The following SCAF1 variants were observed in gnomAD, a reference collection of about 807,000 sequenced individuals.
The protein encoded by SCAF1 is splicing factor, arginine/serine-rich 19.
In SCAF1, 28 loss-of-function variants were observed where a neutral mutation model predicts 91.2. The ratio of observed to expected loss-of-function variants is 0.31; its 90% confidence interval spans 0.23 to 0.42. The LOEUF is 0.42. SCAF1 is among the 10% of genes least tolerant of loss of function. SCAF1 has a pLI of 1.00. For synonymous variants in SCAF1, 1,036 were observed against 833.7 expected (o/e 1.24, Z -4.18); for missense variants, 1,893 against 1,872.1 (o/e 1.01, Z -0.21).
chr19:49,654,362 C>G lies in SCAF1; in HGVS notation c.3330C>G (p.Leu1110=), dbSNP rs1315515868. 6.2e-7 allele frequency: 1 copy of G among 1,613,534 alleles called. No homozygotes were observed. Among genetic ancestry groups the G allele is most frequent in the Non-Finnish European group, 8.5e-7 (1 of 1,179,980 alleles). ...TGCCTCCTGCAGTGACTGCACTTCT[C>G]TTCAAGATGGAAGAAGCCAACCTGG... ...TSGVLALTAL[L]FKMEEANLAS... The change falls in exon 8 of 11, where the codon CTC becomes CTG. Residue 1110 remains leucine, a synonymous_variant. Coordinates refer to ENST00000360565, the MANE Select transcript of SCAF1 (RefSeq NM_021228.3).
chr19:49,654,825 G>A lies in SCAF1; in HGVS notation c.3573G>A (p.Lys1191=), dbSNP rs779875275. The A allele has an allele frequency of 3.1e-6, 5 of 1,611,724 alleles. No homozygotes were observed. The highest frequency in any genetic ancestry group is 3.4e-6 in the Non-Finnish European group (4 of 1,178,730). The change falls in exon 9 of 11, where the codon AAG becomes AAA. Residue 1191 remains lysine (K), a synonymous_variant. Coordinates refer to ENST00000360565, the MANE Select transcript of SCAF1 (RefSeq NM_021228.3). ...CCGGGCTGGCTGCCACGTCTGACAA[G>A]AGAGAGGGCAGCAGCAGCTCTGAGG... is the stretch of plus-strand genomic sequence containing the variant. The part of the protein sequence containing the change: ...TPTGLAATSD[K]REGSSSSEGR...
Position 49,657,748 on chromosome 19 carries a change from GC to G in SCAF1, c.3619-11del. Reference sequence around the variant, plus strand: ...CCTTGCTGTGTCTTCCCCCGCTGTCGCCACCCCACCAGTATCTGAAGAAGCT... The same window carrying G: ...CCTTGCTGTGTCTTCCCCCGCTGTCGCACCCCACCAGTATCTGAAGAAGCT... On this transcript the variant is annotated splice_polypyrimidine_tract_variant and intron_variant, in intron 9 of 10. Transcript: ENST00000360565. 2 of 1,592,502 alleles carry G rather than the reference GC, an allele frequency of 1.3e-6. No homozygotes were observed. Among genetic ancestry groups the G allele is most frequent in the Non-Finnish European group, 8.6e-7 (1 of 1,168,796 alleles).
Position 49,651,793 on chromosome 19 carries a change from C to T in SCAF1, c.1404C>T (p.Pro468=). Residue 468 remains proline, a synonymous_variant, in exon 7 of 11, where the codon CCC becomes CCT. Coordinates refer to ENST00000360565, the MANE Select transcript of SCAF1 (RefSeq NM_021228.3). ...ALQVDLGEPA[P]APPAADSRWG... Reference sequence around the variant, plus strand: ...AGGTGGACCTAGGGGAGCCGGCTCCCGCGCCGCCCGCCGCCGACTCGCGCT... The same window carrying T: ...AGGTGGACCTAGGGGAGCCGGCTCCTGCGCCGCCCGCCGCCGACTCGCGCT... 4 of 1,275,906 alleles carry T rather than the reference C, an allele frequency of 3.1e-6. No homozygotes were observed. The highest frequency in any genetic ancestry group is 4.0e-6 in the Non-Finnish European group (4 of 1,012,534). The allele number at this position is 1,275,906 out of a possible 1,614,324, so 79.0% of individuals were successfully genotyped here.
upstream of SCAF1, among the ~76,000 whole-genome samples, chr19:49,641,897 C>T (rs764082818): frequency 7.9e-5 from 12 of 152,242 alleles, no homozygotes; most frequent in Non-Finnish European, 1.5e-4. Flanking sequence ...CCTGTTCCGC[C>T]ACCCTTTCCG....
Position 49,646,342 on chromosome 19 carries a change from TG to T in SCAF1, c.261+145del. On this transcript the variant is annotated intron_variant, in intron 4 of 10. Transcript: ENST00000360565. The surrounding 1 kb of genome is among the most constrained non-coding windows in gnomAD (Gnocchi z 5.6). ...TGACCAGGGGCAATGTTGGAGAGTC[TG>T]GGGGCCTGATCTGTGGGCCTGAGCT... 1 of 874,978 alleles carries T rather than the reference TG, an allele frequency of 1.1e-6. No individual in the cohort carries two copies. The highest frequency in any genetic ancestry group is 1.7e-6 in the Non-Finnish European group (1 of 571,554). 54.2% of individuals were successfully genotyped at this position (874,978 alleles called of 1,614,324 possible). A position where few individuals can be genotyped will look rare whatever the true frequency, so the allele number is the denominator to read the frequency against.
Position 49,654,815 on chromosome 19 carries a change from C to A in SCAF1, c.3563C>A (p.Thr1188Lys), listed in dbSNP as rs1213422481. The A allele has an allele frequency of 6.2e-7, 1 of 1,612,308 alleles. No homozygotes were observed. The highest frequency in any genetic ancestry group is 2.2e-5 in the East Asian group (1 of 44,854). The change falls in exon 9 of 11, where the codon ACG becomes AAG. Residue 1188 changes from threonine to lysine, a missense_variant. By Grantham distance (78) the Thr-to-Lys change is moderately conservative. Coordinates refer to ENST00000360565, the MANE Select transcript of SCAF1 (RefSeq NM_021228.3). ...TPPTPTGLAA[T>K]SDKREGSSSS... ...CCCACCCCCACCGGGCTGGCTGCCACGTCTGACAAGAGAGAGGGCAGCAGC... is the reference window on the plus strand; with the variant it reads ...CCCACCCCCACCGGGCTGGCTGCCAAGTCTGACAAGAGAGAGGGCAGCAGC...
Position 49,653,351 on chromosome 19 carries a change from C to G in SCAF1, c.2962C>G (p.Leu988Val), listed in dbSNP as rs1401170789. 4 of 1,485,162 alleles carry G rather than the reference C, an allele frequency of 2.7e-6. No individual in the cohort carries two copies. In the East Asian group the frequency reaches 7.3e-5, roughly 27 times the overall value. The allele number at this position is 1,485,162 out of a possible 1,614,324, so 92.0% of individuals were successfully genotyped here. A position where few individuals can be genotyped will look rare whatever the true frequency, so the allele number is the denominator to read the frequency against. ...CAAGGCAGCCCCACCACCCCCTGCCCTCACTCCGGACTCGCAGACCGTGGA... is the reference window on the plus strand; with the variant it reads ...CAAGGCAGCCCCACCACCCCCTGCCGTCACTCCGGACTCGCAGACCGTGGA... Reference protein sequence around the residue: ...PPKAAPPPPALTPDSQTVDSS... With the variant: ...PPKAAPPPPAVTPDSQTVDSS... The change falls in exon 7 of 11, where the codon CTC becomes GTC. Residue 988 changes from leucine to valine, a missense_variant. Coordinates refer to ENST00000360565, the MANE Select transcript of SCAF1 (RefSeq NM_021228.3).
chr19:49,644,325 A>G (rs1183412446), intron 1 of SCAF1, among the ~76,000 whole-genome samples: 1 of 152,222 alleles, frequency 6.6e-6, no homozygotes, highest in Non-Finnish European at 1.5e-5. Context: ...AAGAATTTCC[A>G]TGACATTGCA....
At chr19:49,657,326 A>C (rs2081146299) in intron 9 of SCAF1, among the ~76,000 whole-genome samples, 1 of 124,826 alleles carries the variant, frequency 8.0e-6, no homozygotes, top group Non-Finnish European at 1.6e-5. Context: ...CTGGGTGACC[A>C]GAGCAGTACT....
intron 6 of SCAF1, among the ~76,000 whole-genome samples, chr19:49,648,617 A>G (rs908171233): frequency 8.4e-5 from 12 of 142,396 alleles, no homozygotes; most frequent in African/African-American, 2.9e-4. Context: ...GTACAGTGAT[A>G]TGGTGCCTAG....
At chr19:49,657,217 C>G (rs1275272521) in intron 9 of SCAF1, among the ~76,000 whole-genome samples, 1 of 152,186 alleles carries the variant, frequency 6.6e-6, no homozygotes, top group Admixed American at 6.5e-5. Flanking sequence ...GGGTCAGAGA[C>G]AGGGAGTGGC....
Position 49,651,888 on chromosome 19 carries a change from C to T in SCAF1, c.1499C>T (p.Ser500Phe). ...RRERYRQRSPSPAPAPAPAAA... is the reference protein window; with the variant it reads ...RRERYRQRSPFPAPAPAPAAA... ...GAGCGCTACCGCCAGCGCTCGCCCT[C>T]CCCGGCGCCCGCGCCCGCCCCGGCC... Residue 500 changes from serine to phenylalanine, a missense_variant, in exon 7 of 11, where the codon TCC becomes TTC. Physicochemically the swap from Ser to Phe is radical, Grantham distance 155. This residue lies in a region of SCAF1 where 1,436 missense variants were observed against 1,306.8 expected (regional missense o/e 1.10). Transcript: ENST00000360565. The T allele has an allele frequency of 8.4e-7, 1 of 1,188,196 alleles. No homozygotes were observed. 73.6% of individuals were successfully genotyped at this position (1,188,196 alleles called of 1,614,324 possible).
rs907124534 is a variant in SCAF1 at position 49,645,931 on chromosome 19, G to A, written c.167-177G>A. ...ACAGGAGGACGAATGGCTGAGCGTCGCAGCCTCTGAAGTGGGTGCTGGGAA... is the reference window on the plus strand; with the variant it reads ...ACAGGAGGACGAATGGCTGAGCGTCACAGCCTCTGAAGTGGGTGCTGGGAA... On this transcript the variant is annotated intron_variant, in intron 3 of 10. Coordinates refer to ENST00000360565, the MANE Select transcript of SCAF1 (RefSeq NM_021228.3). The surrounding 1 kb of genome is among the most constrained non-coding windows in gnomAD (Gnocchi z 4.6). 3.3e-5 allele frequency among the ~76,000 whole-genome samples: 5 copies of A among 152,124 alleles called. No individual in the cohort carries two copies. Among genetic ancestry groups the A allele is most frequent in the East Asian group, 3.9e-4 (2 of 5,192 alleles).
chr19:49,657,123 C>T (rs1454488859), intron 9 of SCAF1, among the ~76,000 whole-genome samples: 2 of 152,130 alleles, frequency 1.3e-5, no homozygotes, highest in Non-Finnish European at 1.5e-5. Context: ...CACTGCACTC[C>T]AGCCTGCATG....
At chr19:49,647,377 C>T (rs181850227) in intron 6 of SCAF1, among the ~76,000 whole-genome samples, 14 of 152,364 alleles carry the variant, frequency 9.2e-5, no homozygotes, top group South Asian at 4.1e-4. Context: ...TTACTATGCA[C>T]ATCACTGGGC....
rs138080693 is a variant in SCAF1 at position 49,650,907 on chromosome 19, G to C, written c.518G>C (p.Arg173Pro). ...QSNSSRPTCA[R>P]HLTLGTGDGG... is the part of the protein sequence containing the mutation. Reference sequence around the variant, plus strand: ...AACTCCTCTAGGCCCACCTGTGCCCGTCACCTCACCTTGGGCACGGGAGAC... The same window carrying C: ...AACTCCTCTAGGCCCACCTGTGCCCCTCACCTCACCTTGGGCACGGGAGAC... The change falls in exon 7 of 11, where the codon CGT (arginine) becomes CCT (proline). Residue 173 changes from arginine to proline, a missense_variant. Around this residue, in one of 5 missense-constraint regions of SCAF1, gnomAD observed 270 missense variants for 292.5 expected, o/e 0.92. Coordinates refer to ENST00000360565, the MANE Select transcript of SCAF1 (RefSeq NM_021228.3). 24 of 1,610,280 alleles carry C rather than the reference G, an allele frequency of 1.5e-5. No individual in the cohort carries two copies. In the African/African-American group the frequency reaches 2.8e-4, roughly 19 times the overall value.
Position 49,653,538 on chromosome 19 carries a change from C to G in SCAF1, c.3149C>G (p.Thr1050Ser). 1 of 1,580,774 alleles carries G rather than the reference C, an allele frequency of 6.3e-7. No homozygotes were observed. Among genetic ancestry groups the G allele is most frequent in the South Asian group, 1.1e-5 (1 of 87,384 alleles). The change falls in exon 7 of 11, where the codon ACT (threonine) becomes AGT (serine). Residue 1050 changes from threonine to serine, a missense_variant. Physicochemically the swap from Thr to Ser is moderately conservative, Grantham distance 58. Around this residue, in one of 5 missense-constraint regions of SCAF1, gnomAD observed 1,436 missense variants for 1,306.8 expected, o/e 1.10. Transcript: ENST00000360565. ...QQPATTTATS[T>S]AAAAPSTAPS... ...CCTGCTACCACCACGGCCACCAGCA[C>G]TGCTGCAGCCGCCCCAAGCACTGCC...
At chr19:49,654,461 G>A (rs751270154) in intron 8 of SCAF1, 30 bp downstream of exon 8, 10 of 1,597,664 alleles carry the variant, frequency 6.3e-6, no homozygotes, top group South Asian at 5.5e-5. Flanking sequence ...AGTCCCTGCC[G>A]CCCCTTCTTT....
Position 49,653,560 on chromosome 19 carries a change from T to C in SCAF1, c.3171T>C (p.Thr1057=). The C allele has an allele frequency of 6.3e-7, 1 of 1,585,762 alleles. No homozygotes were observed. The highest frequency in any genetic ancestry group is 8.5e-7 in the Non-Finnish European group (1 of 1,170,396). The change falls in exon 7 of 11, where the codon ACT becomes ACC. Residue 1057 remains threonine (T), a synonymous_variant. Coordinates refer to ENST00000360565, the MANE Select transcript of SCAF1 (RefSeq NM_021228.3). ...GCACTGCTGCAGCCGCCCCAAGCAC[T>C]GCCCCCAGCGCGGGGTCCACAGCCG... ...ATSTAAAAPS[T]APSAGSTAGD... is the part of the protein sequence containing the mutation.
Sources: allele counts gnomAD v4.1 joint callset (sites outside exome capture counted in the v4.1 genomes callset), GRCh38; gene constraint gnomAD v4.1.1; regional missense constraint gnomAD v4.1.1; non-coding constraint Gnocchi (gnomAD v3.1); transcripts MANE v1.5; gene names NCBI Gene and HGNC (gene_info 2026-07-23, HGNC 2026-07-21).